FAM120C: variants seen among roughly 807,000 people sequenced by gnomAD.
The protein encoded by FAM120C is constitutive coactivator of PPAR-gamma-like protein 2.
Under a neutral mutation model 71.2 loss-of-function variants are expected in FAM120C, and 14 were observed. The ratio of observed to expected loss-of-function variants is 0.20; its 90% CI spans 0.13 to 0.31. FAM120C has a LOEUF of 0.31. FAM120C is among the 10% of genes least tolerant of loss of function. The pLI is 1.00. For missense variants in FAM120C, 500 were observed against 879.0 expected, an observed-to-expected ratio of 0.57 and a Z score of 5.45; for synonymous variants, 354 against 353.2, an observed-to-expected ratio of 1.00 and a Z score of -0.03.
At chrX:54,128,822 AG>A (rs1185526266) in intron 9 of FAM120C, among the ~76,000 whole-genome samples, 24 of 111,906 alleles carry the variant, frequency 2.1e-4, no homozygotes, top group Non-Finnish European at 1.5e-4. Flanking sequence ...CCAAGGCAGA[AG>A]GATTTTTCTT....
chrX:54,083,199 C>T (rs1228681327), intron 13 of FAM120C, among the ~76,000 whole-genome samples: 2 of 110,308 alleles, frequency 1.8e-5, no homozygotes, highest in Non-Finnish European at 3.8e-5. Flanking sequence ...TGTAATTTAG[C>T]ACAAAAATAA....
chrX:54,080,196 A>G, intron 15 of FAM120C, 36 bp downstream of exon 15: 2 of 1,149,297 alleles, frequency 1.7e-6, no homozygotes, highest in Non-Finnish European at 2.4e-6. Flanking sequence ...AAAAGGCATC[A>G]AACAGAAGCT....
intron 3 of FAM120C, among the ~76,000 whole-genome samples, chrX:54,152,021 AT>A (rs1234773932): frequency 1.5e-3 from 152 of 98,877 alleles, no homozygotes; most frequent in Admixed American, 2.0e-3. Context: ...ATACCTAAAC[AT>A]TTTTTTTTTT....
At chrX:54,097,996 G>C (rs1314806905) in intron 10 of FAM120C, among the ~76,000 whole-genome samples, 1 of 109,617 alleles carries the variant, frequency 9.1e-6, no homozygotes, top group Admixed American at 9.8e-5. Flanking sequence ...AAAGTGCTGG[G>C]ATTACAGGCG....
intron 1 of FAM120C, among the ~76,000 whole-genome samples, chrX:54,174,442 T>A (rs2067305359): frequency 1.8e-5 from 2 of 111,701 alleles, no homozygotes; most frequent in Non-Finnish European, 3.8e-5. Flanking sequence ...ACCATGGAGC[T>A]GTAGAGACCA....
At chrX:54,173,034 A>G (rs1205029927) in intron 1 of FAM120C, among the ~76,000 whole-genome samples, 1 of 112,332 alleles carries the variant, frequency 8.9e-6, no homozygotes, top group Non-Finnish European at 1.9e-5. Context: ...ACCTTTGCAA[A>G]TGCTTGTTTA....
At chrX:54,146,078 G>C (rs2067153913) in intron 4 of FAM120C, among the ~76,000 whole-genome samples, 1 of 108,855 alleles carries the variant, frequency 9.2e-6, no homozygotes, top group South Asian at 4.1e-4. Flanking sequence ...TACACCACAT[G>C]TTCTCACTAA....
chrX:54,116,221 G>A (rs1304434546), intron 10 of FAM120C, among the ~76,000 whole-genome samples: 2 of 112,030 alleles, frequency 1.8e-5, no homozygotes, highest in Non-Finnish European at 3.8e-5. Context: ...TATGAAAGAT[G>A]GCTTGGAAGG....
rs1299745967 is a variant in FAM120C at position 54,072,872 on chromosome X, A to C, written c.*161T>G. The C allele has an allele frequency of 1.7e-5, 10 of 589,073 alleles. No homozygotes were observed. Among genetic ancestry groups the C allele is most frequent in the South Asian group, 4.1e-5 (1 of 24,229 alleles). 48.5% of individuals were successfully genotyped at this position (589,073 alleles called of 1,213,427 possible). On this transcript the variant is annotated 3_prime_UTR_variant, in exon 16 of 16. Transcript: ENST00000375180. ...CAGACCACTGAATCTGAAGTCCCAG[A>C]AACAGGCAGGGAAGGGGAAAAGATG...
rs955547011 is a variant in FAM120C at position 54,087,453 on chromosome X, T to C, written c.2637+302A>G. ...TTTGTAAATAAGAGAAATGAAATACTGAGTTGGAGGGAAGGTATATAGTAC... is the reference window on the plus strand; with the variant it reads ...TTTGTAAATAAGAGAAATGAAATACCGAGTTGGAGGGAAGGTATATAGTAC... On this transcript the variant is annotated intron_variant, in intron 12 of 15. Transcript: ENST00000375180. Among the ~76,000 whole-genome samples the C allele has an allele frequency of 1.8e-4, 20 of 110,828 alleles. No homozygotes were observed. The Admixed American group carries it at 2.0e-3, about 11-fold the overall frequency.
chrX:54,171,186 G>A (rs782628110), intron 1 of FAM120C, among the ~76,000 whole-genome samples: 3 of 111,692 alleles, frequency 2.7e-5, no homozygotes, highest in Non-Finnish European at 3.8e-5. Flanking sequence ...CTTGAGGCCA[G>A]GAGTTTGAGA....
intron 9 of FAM120C, among the ~76,000 whole-genome samples, chrX:54,118,105 C>A (rs2066981952): frequency 9.1e-6 from 1 of 109,561 alleles, no homozygotes; most frequent in African/African-American, 3.3e-5. Flanking sequence ...TGCCTGTAAT[C>A]CCAGCTACTC....
At chrX:54,107,025 T>A (rs1416033125) in intron 10 of FAM120C, among the ~76,000 whole-genome samples, 1 of 111,694 alleles carries the variant, frequency 9.0e-6, no homozygotes, top group Non-Finnish European at 1.9e-5. Flanking sequence ...GTTTTTATGT[T>A]CCTGGATCTA....
intron 3 of FAM120C, among the ~76,000 whole-genome samples, chrX:54,153,409 ATTT>A (rs1196407275): frequency 1.0e-4 from 10 of 99,137 alleles, no homozygotes; most frequent in East Asian, 6.3e-4. Flanking sequence ...TGGATAATAT[ATTT>A]TTTTTTTTTT....
rs1557124018 is a variant in FAM120C, at chrX:54,100,559, A to G, written c.2313-9133T>C. ...ATGGTGGTTAAGTACCTGTGGTCTC[A>G]GCTACTCGGGAGGCTGAGGTGGGAG... On this transcript the variant is annotated intron_variant, in intron 10 of 15. Coordinates refer to ENST00000375180, the MANE Select transcript of FAM120C (RefSeq NM_017848.6). Among the ~76,000 whole-genome samples the G allele has an allele frequency of 2.7e-5, 3 of 111,406 alleles. No individual in the cohort carries two copies. In the Admixed American group the frequency reaches 2.9e-4, roughly 11 times the overall value.
intron 4 of FAM120C, 135 bp downstream of exon 4, chrX:54,151,110 A>G: frequency 1.4e-6 from 1 of 708,742 alleles, no homozygotes; most frequent in East Asian, 3.3e-5. Context: ...GAAATTTTGG[A>G]GCTCTCATTT....
intron 1 of FAM120C, among the ~76,000 whole-genome samples, chrX:54,163,094 C>G (rs901784692): frequency 3.4e-4 from 38 of 111,850 alleles, no homozygotes; most frequent in Non-Finnish European, 6.8e-4. Context: ...GGTGCAGTCA[C>G]TTTGGAAAGT....
intron 9 of FAM120C, 147 bp from the exon 10 acceptor site, chrX:54,116,941 C>T: frequency 1.5e-6 from 1 of 679,420 alleles, no homozygotes; most frequent in Non-Finnish European, 2.1e-6. Context: ...AGGAATAGTA[C>T]ACGTTTATTA....
At chrX:54,144,143 A>G (rs1420494269) in intron 4 of FAM120C, among the ~76,000 whole-genome samples, 1 of 111,867 alleles carries the variant, frequency 8.9e-6, no homozygotes, top group Non-Finnish European at 1.9e-5. Context: ...TCAATAAGCT[A>G]GGTATTCATG....
Sources: gnomAD v4.1 joint callset for allele counts (sites outside exome capture counted in the v4.1 genomes callset) on GRCh38, gnomAD v4.1.1 for gene constraint, MANE v1.5 for transcripts, NCBI Gene and HGNC (gene_info 2026-07-23, HGNC 2026-07-21) for gene names.